Variants in WDTC1 observed in about 807,000 individuals in gnomAD.
The protein encoded by WDTC1 is WD and tetratricopeptide repeats 1, also known as WD and tetratricopeptide repeats protein 1.
In WDTC1, 12 loss-of-function variants were observed where a neutral mutation model predicts 76.0. That is an observed-to-expected ratio of 0.16 (90% CI 0.10 to 0.26). The LOEUF (loss-of-function observed/expected upper bound fraction) is 0.26, where lower values mean the gene tolerates loss of function less well. Among genes scored for constraint, WDTC1 ranks in the 10% least tolerant of loss-of-function variants. The pLI is 1.00. For synonymous variants in WDTC1, 326 were observed against 350.8 expected (o/e 0.93, Z 0.79); for missense variants, 511 against 908.8 (o/e 0.56, Z 5.63).
At position 27,261,417 on chromosome 1, in the gene WDTC1, G is replaced by C. The variant is rs1429056686; in HGVS notation, c.48+315G>C. Among the ~76,000 whole-genome samples, 7 of 152,254 alleles carry C rather than the reference G, an allele frequency of 4.6e-5. No individual in the cohort carries two copies. The East Asian group carries it at 1.3e-3, about 29-fold the overall frequency. On this transcript the variant is annotated intron_variant, in intron 2 of 15. Transcript: ENST00000319394. ...CTTGTGTTGGGCAGGTGGTGCACAA[G>C]AGCAAATATAACTTCTTCATGTTGC... is the stretch of plus-strand genomic sequence containing the variant.
At chr1:27,264,400 G>A (rs754493976) in intron 3 of WDTC1, among the ~76,000 whole-genome samples, 1 of 151,968 alleles carries the variant, frequency 6.6e-6, no homozygotes, top group East Asian at 1.9e-4. Context: ...TCCAGCCTGA[G>A]CAATATAGCA....
Position 27,242,328 on chromosome 1 carries a change from G to T in WDTC1, c.-100+7377G>T, listed in dbSNP as rs11801897. On this transcript the variant is annotated intron_variant, in intron 1 of 15. Transcript: ENST00000319394. ...AAAAAATAAAAATAAAAGTAGCCAG[G>T]CATGGTGATTTGCACCTGTAATCCT... is the stretch of plus-strand genomic sequence containing the variant. Among the ~76,000 whole-genome samples the T allele has an allele frequency of 8.9e-3, 1,348 of 152,264 alleles. 23 individuals carry two copies. The highest frequency in any genetic ancestry group is 0.03 in the African/African-American group (1,260 of 41,550).
At chr1:27,260,111 T>C (rs745308037) in intron 1 of WDTC1, among the ~76,000 whole-genome samples, 5 of 152,062 alleles carry the variant, frequency 3.3e-5, no homozygotes, top group Non-Finnish European at 7.4e-5. Flanking sequence ...TTTTTTTGTT[T>C]TGTTTTGTTT....
Position 27,282,232 on chromosome 1 carries a change from C to G in WDTC1, c.133-7C>G, listed in dbSNP as rs1557497545. On this transcript the variant is annotated splice_region_variant and splice_polypyrimidine_tract_variant and intron_variant, in intron 3 of 15. Transcript: ENST00000319394. ...CTCTCTTCCTGTCTCTTCATTTGCT[C>G]CCCCAGGGTCACTCAGGATGTGTCA... 2 of 1,613,592 alleles carry G rather than the reference C, an allele frequency of 1.2e-6. No individual in the cohort carries two copies. Among genetic ancestry groups the G allele is most frequent in the Non-Finnish European group, 1.7e-6 (2 of 1,179,678 alleles).
Position 27,304,919 on chromosome 1 carries a change from C to G in WDTC1, c.1644-82C>G, listed in dbSNP as rs939944518. On this transcript the variant is annotated intron_variant, in intron 14 of 15. Transcript: ENST00000319394. ...GTGGCTGCAGACTTCCTTGCTCCCCCTTTACCTAGGCCATGCAGCCTCTAC... is the reference window on the plus strand; with the variant it reads ...GTGGCTGCAGACTTCCTTGCTCCCCGTTTACCTAGGCCATGCAGCCTCTAC... 8 of 1,422,666 alleles carry G rather than the reference C, an allele frequency of 5.6e-6. No homozygotes were observed. In the African/African-American group the frequency reaches 8.6e-5, roughly 15 times the overall value. 88.1% of individuals were successfully genotyped at this position (1,422,666 alleles called of 1,614,324 possible). A position where few individuals can be genotyped will look rare whatever the true frequency, so the allele number is the denominator to read the frequency against.
At chr1:27,250,843 A>G (rs2012024383) in intron 1 of WDTC1, among the ~76,000 whole-genome samples, 1 of 150,104 alleles carries the variant, frequency 6.7e-6, no homozygotes, top group African/African-American at 2.4e-5. Context: ...ATTCCTCCAA[A>G]TCGAGCTGTT....
chr1:27,275,365 G>A (rs1217769497), intron 3 of WDTC1, among the ~76,000 whole-genome samples: 2 of 152,124 alleles, frequency 1.3e-5, no homozygotes, highest in East Asian at 3.9e-4. Context: ...TACCATTTTA[G>A]AGAAGTAAAC....
chr1:27,304,947 GA>G lies in WDTC1; in HGVS notation c.1644-53del, dbSNP rs898185545. 7 of 1,545,484 alleles carry G rather than the reference GA, an allele frequency of 4.5e-6. No individual in the cohort carries two copies. The African/African-American group carries it at 6.8e-5, about 15-fold the overall frequency. On this transcript the variant is annotated intron_variant, in intron 14 of 15. Transcript: ENST00000319394. Reference sequence around the variant, plus strand: ...TACCTAGGCCATGCAGCCTCTACTTGAGGCTGTAGGGCAGTACCCCACCTGA... The same window carrying G: ...TACCTAGGCCATGCAGCCTCTACTTGGGCTGTAGGGCAGTACCCCACCTGA...
rs2013918508 is a variant in WDTC1 at position 27,304,992 on chromosome 1, C to T, written c.1644-9C>T. 2.5e-6 allele frequency: 4 copies of T among 1,608,210 alleles called. No individual in the cohort carries two copies. Among genetic ancestry groups the T allele is most frequent in the East Asian group, 4.5e-5 (2 of 44,750 alleles). On this transcript the variant is annotated splice_polypyrimidine_tract_variant and intron_variant, in intron 14 of 15. Coordinates refer to ENST00000319394, the MANE Select transcript of WDTC1 (RefSeq NM_001276252.2). ...CACCTGACCTCCCTGCCCTTTGCCC[C>T]CCCGCCAGCAACGCTCAGTATATCG... is the stretch of plus-strand genomic sequence containing the variant.
chr1:27,247,148 C>T (rs1046343144), intron 1 of WDTC1, among the ~76,000 whole-genome samples: 5 of 151,890 alleles, frequency 3.3e-5, no homozygotes, highest in Admixed American at 2.0e-4. Flanking sequence ...CCTCTGCCTC[C>T]TGGGTTTAAG....
intron 1 of WDTC1, among the ~76,000 whole-genome samples, chr1:27,250,576 G>T (rs993868049): frequency 6.6e-6 from 1 of 152,124 alleles, no homozygotes; most frequent in African/African-American, 2.4e-5. Context: ...CCCTATGTAG[G>T]TACTAATTGG....
Position 27,287,706 on chromosome 1 carries a change from C to T in WDTC1, c.324C>T (p.Ile108=). The stretch of plus-strand genomic sequence containing the variant: ...CTCACGCTGGGGACCGCATCTTGAT[C>T]ACGGGGGCAGCCGACTCTAAGGTGC... The part of the protein sequence containing the change: ...FLPHAGDRIL[I]TGAADSKVHV... Residue 108 remains isoleucine, a synonymous_variant, in exon 6 of 16, where the codon ATC becomes ATT. Coordinates refer to ENST00000319394, the MANE Select transcript of WDTC1 (RefSeq NM_001276252.2). 1 of 1,613,998 alleles carries T rather than the reference C, an allele frequency of 6.2e-7. No homozygotes were observed. Among genetic ancestry groups the T allele is most frequent in the Non-Finnish European group, 8.5e-7 (1 of 1,179,972 alleles).
In WDTC1 at chr1:27,306,636, C is replaced by A; in HGVS notation, c.*253C>A. 3.7e-6 allele frequency: 2 copies of A among 546,872 alleles called. No homozygotes were observed. Among genetic ancestry groups the A allele is most frequent in the Non-Finnish European group, 6.5e-6 (2 of 305,596 alleles). 33.9% of individuals were successfully genotyped at this position (546,872 alleles called of 1,614,324 possible). Reference sequence around the variant, plus strand: ...AGGGGACACCCCTCCATATGCCCCCCCCCATCTCCTGCTTTCATGTCCCTG... The same window carrying A: ...AGGGGACACCCCTCCATATGCCCCCACCCATCTCCTGCTTTCATGTCCCTG... On this transcript the variant is annotated 3_prime_UTR_variant, in exon 16 of 16. Coordinates refer to ENST00000319394, the MANE Select transcript of WDTC1 (RefSeq NM_001276252.2). This position sits in a 1 kb window ranked among gnomAD's most constrained non-coding sequence, Gnocchi z 5.0.
intron 1 of WDTC1, among the ~76,000 whole-genome samples, chr1:27,239,030 G>A (rs1373493070): frequency 7.1e-6 from 1 of 141,182 alleles, no homozygotes; most frequent in African/African-American, 2.6e-5. Flanking sequence ...ATGAGACAGG[G>A]TAGATGGGAA....
chr1:27,306,396 T>C lies in WDTC1; in HGVS notation c.*13T>C, dbSNP rs1446426890. 3 of 1,607,554 alleles carry C rather than the reference T, an allele frequency of 1.9e-6. No individual in the cohort carries two copies. The highest frequency in any genetic ancestry group is 2.5e-6 in the Non-Finnish European group (3 of 1,178,536). The stretch of plus-strand genomic sequence containing the variant: ...CCGGCCCAGCTAGACCCTCCAGCCC[T>C]GGTCCCCAGCCCCTGCTACTGGCTG... On this transcript the variant is annotated 3_prime_UTR_variant, in exon 16 of 16. Transcript: ENST00000319394. This position sits in a 1 kb window ranked among gnomAD's most constrained non-coding sequence, Gnocchi z 5.0.
rs2013936571 is a variant in WDTC1, at chr1:27,305,579, G to A, written c.1836+386G>A. On this transcript the variant is annotated intron_variant, in intron 15 of 15. Transcript: ENST00000319394. This position sits in a 1 kb window ranked among gnomAD's most constrained non-coding sequence, Gnocchi z 4.6. ...GGTGAGAAGTAAAGAAGAGATGCCT[G>A]TGAAGTGTCCAGCCCACAAGGACAC... is the stretch of plus-strand genomic sequence containing the variant. 1.3e-5 allele frequency among the ~76,000 whole-genome samples: 2 copies of A among 152,212 alleles called. No individual in the cohort carries two copies. Among genetic ancestry groups the A allele is most frequent in the Non-Finnish European group, 2.9e-5 (2 of 68,030 alleles).
intron 1 of WDTC1, among the ~76,000 whole-genome samples, chr1:27,243,872 T>G (rs565110839): frequency 6.1e-4 from 90 of 148,622 alleles, no homozygotes; most frequent in Non-Finnish European, 9.0e-4. Context: ...ATGCCTATAA[T>G]CCCAACACTT....
intron 5 of WDTC1, among the ~76,000 whole-genome samples, chr1:27,286,167 G>A (rs935497392): frequency 2.0e-5 from 3 of 151,492 alleles, no homozygotes; most frequent in South Asian, 2.1e-4. Flanking sequence ...CACCACATCC[G>A]GCTAATTTTT....
chr1:27,259,870 AAG>A (rs933072134), intron 1 of WDTC1, among the ~76,000 whole-genome samples: 3 of 151,416 alleles, frequency 2.0e-5, no homozygotes, highest in Non-Finnish European at 2.9e-5. Flanking sequence ...AAAAAAAAAA[AAG>A]AGAGAAAAGA....
Sources: allele counts gnomAD v4.1 joint callset (sites outside exome capture counted in the v4.1 genomes callset), GRCh38; gene constraint gnomAD v4.1.1; non-coding constraint Gnocchi (gnomAD v3.1); transcripts MANE v1.5; gene names NCBI Gene and HGNC (gene_info 2026-07-23, HGNC 2026-07-21).